TMEM263: variants seen among roughly 807,000 people sequenced by gnomAD.
TMEM263 encodes transmembrane protein 263, also known as UPF0444 transmembrane protein C12orf23.
In TMEM263, 5 loss-of-function variants were observed where a neutral mutation model predicts 8.6. The ratio of observed to expected loss-of-function variants is 0.58; its 90% CI spans 0.31 to 1.23. The LOEUF (loss-of-function observed/expected upper bound fraction) is 1.23, where lower values mean the gene tolerates loss of function less well. Among genes scored for constraint, TMEM263 ranks in the 50% most tolerant of loss-of-function variants. The probability of loss-of-function intolerance (pLI) is 0.07; values close to 1 mark genes in which losing one functional copy is unlikely to be tolerated. For missense variants in TMEM263, 104 were observed against 138.8 expected, an observed-to-expected ratio of 0.75 and a Z score of 1.26; for synonymous variants, 50 against 47.9, an observed-to-expected ratio of 1.04 and a Z score of -0.18.
rs1951937817 is a variant in TMEM263, at chr12:106,972,628, G to A, written c.*1237G>A. On this transcript the variant is annotated 3_prime_UTR_variant, in exon 4 of 4. Transcript: ENST00000280756. ...TTTCAGTCAGGGATTTGAATTGTTTGATTATGGATGATAAATGTGTCATAT... is the reference window on the plus strand; with the variant it reads ...TTTCAGTCAGGGATTTGAATTGTTTAATTATGGATGATAAATGTGTCATAT... 6.6e-6 allele frequency: 1 copy of A among 152,108 alleles called. No individual in the cohort carries two copies. The highest frequency in any genetic ancestry group is 2.1e-4 in the South Asian group (1 of 4,832). The allele number at this position is 152,108 out of a possible 1,614,324, so 9.4% of individuals were successfully genotyped here. A position where few individuals can be genotyped will look rare whatever the true frequency, so the allele number is the denominator to read the frequency against.
rs1160221977 is a variant in TMEM263, at chr12:106,972,259, G to A, written c.*868G>A. 1.3e-5 allele frequency: 2 copies of A among 152,106 alleles called. No homozygotes were observed. Among genetic ancestry groups the A allele is most frequent in the Admixed American group, 1.3e-4 (2 of 15,284 alleles). 9.4% of individuals were successfully genotyped at this position (152,106 alleles called of 1,614,324 possible). ...GTGCCTAAGGAACATTTACTTACTGGTCAGAAGGTATTTTGGAAGAGTTTC... is the reference window on the plus strand; with the variant it reads ...GTGCCTAAGGAACATTTACTTACTGATCAGAAGGTATTTTGGAAGAGTTTC... On this transcript the variant is annotated 3_prime_UTR_variant, in exon 4 of 4. Coordinates refer to ENST00000280756, the MANE Select transcript of TMEM263 (RefSeq NM_152261.4).
chr12:106,971,313 T>C lies in TMEM263; in HGVS notation c.273T>C (p.Ala91=). ...GLVKGGVSAV[A]GGVTAVGSAV... ...TGAAAGGGGGTGTCTCTGCTGTGGC[T>C]GGAGGTGTTACAGCTGTTGGGTCTG... is the stretch of plus-strand genomic sequence containing the variant. The change falls in exon 4 of 4, where the codon GCT becomes GCC. Residue 91 remains alanine (A), a synonymous_variant. Coordinates refer to ENST00000280756, the MANE Select transcript of TMEM263 (RefSeq NM_152261.4). 1 of 1,614,210 alleles carries C rather than the reference T, an allele frequency of 6.2e-7. No individual in the cohort carries two copies. The highest frequency in any genetic ancestry group is 8.5e-7 in the Non-Finnish European group (1 of 1,180,036).
At chr12:106,960,304 G>A (rs1435565880) in intron 2 of TMEM263, among the ~76,000 whole-genome samples, 4 of 151,844 alleles carry the variant, frequency 2.6e-5, no homozygotes, top group African/African-American at 9.7e-5. Flanking sequence ...CAAAGTGGTG[G>A]GATTACAGGT....
At chr12:106,971,065 G>A in intron 3 of TMEM263, 40 bp from the exon 4 acceptor site, 2 of 1,600,490 alleles carry the variant, frequency 1.2e-6, no homozygotes, top group Non-Finnish European at 1.7e-6. Flanking sequence ...AAAGACTTGT[G>A]ACTTATATTT....
At chr12:106,956,913 G>A (rs546506884) in intron 1 of TMEM263, 169 bp from the exon 2 acceptor site, 3 of 184,702 alleles carry the variant, frequency 1.6e-5, no homozygotes, top group Non-Finnish European at 3.1e-5. Context: ...AGATTTGCTA[G>A]TGCCTAAAGG....
In TMEM263 at chr12:106,957,168, GTGT is replaced by G; in HGVS notation, c.-7+20_-7+22del. 2 of 51,012 alleles carry G rather than the reference GTGT, an allele frequency of 3.9e-5. No individual in the cohort carries two copies. Among genetic ancestry groups the G allele is most frequent in the Non-Finnish European group, 4.3e-5 (2 of 46,998 alleles). 3.2% of individuals were successfully genotyped at this position (51,012 alleles called of 1,614,324 possible). Reference sequence around the variant, plus strand: ...CCAACAGGTAAACGCGCGCGCCCGTGTGTGTGTGTGTGTGTGTGTGTGTGTGTG... The same window carrying G: ...CCAACAGGTAAACGCGCGCGCCCGTGGTGTGTGTGTGTGTGTGTGTGTGTG... On this transcript the variant is annotated intron_variant, in intron 2 of 3. Coordinates refer to ENST00000280756, the MANE Select transcript of TMEM263 (RefSeq NM_152261.4).
chr12:106,972,846 C>T lies in TMEM263; in HGVS notation c.*1455C>T, dbSNP rs1951941832. 2.8e-5 allele frequency: 4 copies of T among 145,384 alleles called. No individual in the cohort carries two copies. The South Asian group carries it at 8.7e-4, about 32-fold the overall frequency. 9.0% of individuals were successfully genotyped at this position (145,384 alleles called of 1,614,324 possible). A position where few individuals can be genotyped will look rare whatever the true frequency, so the allele number is the denominator to read the frequency against. The stretch of plus-strand genomic sequence containing the variant: ...TTTTTACTTAAATCTGGAAATTTGT[C>T]TCCATTCTGCCACCTTTTTTTTTTT... On this transcript the variant is annotated 3_prime_UTR_variant, in exon 4 of 4. Transcript: ENST00000280756.
At position 106,970,187 on chromosome 12, in the gene TMEM263, A is replaced by G. The variant is rs145776713; in HGVS notation, c.65-918A>G. 1.7e-3 allele frequency among the ~76,000 whole-genome samples: 265 copies of G among 152,272 alleles called. 2 individuals carry two copies. The highest frequency in any genetic ancestry group is 6.1e-3 in the African/African-American group (252 of 41,556). On this transcript the variant is annotated intron_variant, in intron 3 of 3. Coordinates refer to ENST00000280756, the MANE Select transcript of TMEM263 (RefSeq NM_152261.4). The stretch of plus-strand genomic sequence containing the variant: ...AAGGGAGACATAGAGCAGAGACCCA[A>G]ATGTATTTACTTAATAGGGGTTCTT...
At position 106,972,702 on chromosome 12, in the gene TMEM263, GA is replaced by G. The variant is rs1951939131; in HGVS notation, c.*1313del. 1 of 151,962 alleles carries G rather than the reference GA, an allele frequency of 6.6e-6. No homozygotes were observed. The highest frequency in any genetic ancestry group is 1.5e-5 in the Non-Finnish European group (1 of 67,956). The allele number at this position is 151,962 out of a possible 1,614,324, so 9.4% of individuals were successfully genotyped here. Reference sequence around the variant, plus strand: ...GTTCCTTCTTAATATGATTTAGCTGGAATTCATTTTCTTTTCGTTTCATGTT... The same window carrying G: ...GTTCCTTCTTAATATGATTTAGCTGGATTCATTTTCTTTTCGTTTCATGTT... On this transcript the variant is annotated 3_prime_UTR_variant, in exon 4 of 4. Coordinates refer to ENST00000280756, the MANE Select transcript of TMEM263 (RefSeq NM_152261.4).
At chr12:106,969,570 C>CA (rs1951890765) in intron 3 of TMEM263, among the ~76,000 whole-genome samples, 1 of 151,802 alleles carries the variant, frequency 6.6e-6, no homozygotes, top group Non-Finnish European at 1.5e-5. Flanking sequence ...ACTAAAAATA[C>CA]AAAAAATTAG....
intron 3 of TMEM263, among the ~76,000 whole-genome samples, chr12:106,969,854 T>C (rs759881372): frequency 1.1e-4 from 16 of 151,794 alleles, no homozygotes; most frequent in Non-Finnish European, 2.1e-4. Context: ...TGAGCTTACA[T>C]GCTAATATAT....
chr12:106,971,455 T>C lies in TMEM263; in HGVS notation c.*64T>C, dbSNP rs1593472927. The C allele has an allele frequency of 1.5e-5, 22 of 1,483,384 alleles. No individual in the cohort carries two copies. In the South Asian group the frequency reaches 2.6e-4, roughly 17 times the overall value. 91.9% of individuals were successfully genotyped at this position (1,483,384 alleles called of 1,614,324 possible). ...CCAGTGGCATTGAATTGCTAAATTA[T>C]GGACTACAACCAAGTCAACTGTTTT... On this transcript the variant is annotated 3_prime_UTR_variant, in exon 4 of 4. Transcript: ENST00000280756.
chr12:106,962,179 T>C (rs962764551), intron 2 of TMEM263, among the ~76,000 whole-genome samples: 2 of 152,184 alleles, frequency 1.3e-5, no homozygotes, highest in Non-Finnish European at 2.9e-5. Flanking sequence ...TACTACTTCA[T>C]GCATGTGTAT....
chr12:106,958,121 T>G (rs1951724695), intron 2 of TMEM263, among the ~76,000 whole-genome samples: 3 of 152,208 alleles, frequency 2.0e-5, no homozygotes, highest in Admixed American at 2.0e-4. Flanking sequence ...AGTCGTCTTT[T>G]TCTATTATAG....
At chr12:106,968,375 CAA>C (rs5800722) in intron 3 of TMEM263, among the ~76,000 whole-genome samples, 15 of 128,790 alleles carry the variant, frequency 1.2e-4, no homozygotes, top group Admixed American at 1.5e-4. Context: ...GACTCCGTCT[CAA>C]AAAAAAAAAA....
intron 2 of TMEM263, among the ~76,000 whole-genome samples, chr12:106,957,874 G>T (rs1951721873): frequency 6.6e-6 from 1 of 152,202 alleles, no homozygotes; most frequent in African/African-American, 2.4e-5. Context: ...TTAATGGGCA[G>T]GGGCCATCTT....
chr12:106,957,011 T>C, intron 1 of TMEM263, 71 bp from the exon 2 acceptor site: 1 of 909,110 alleles, frequency 1.1e-6, no homozygotes, highest in Non-Finnish European at 1.3e-6. Flanking sequence ...TTTGCGTCCT[T>C]GTGAACACTG....
intron 2 of TMEM263, chr12:106,959,333 C>A (rs548301727): frequency 1.8e-4 from 28 of 152,302 alleles, no homozygotes; most frequent in African/African-American, 6.7e-4. Context: ...ACATCCGTCT[C>A]CCAGGTTCAA....
In TMEM263 at chr12:106,972,478, C is replaced by T. The variant is rs1003467348; in HGVS notation, c.*1087C>T. On this transcript the variant is annotated 3_prime_UTR_variant, in exon 4 of 4. Transcript: ENST00000280756. ...ACTATTTTAAATGGAATGGAATGAG[C>T]TCCATAGATTAGTTTTGAATATAAA... The T allele has an allele frequency of 2.6e-5, 4 of 152,106 alleles. No individual in the cohort carries two copies. The highest frequency in any genetic ancestry group is 2.1e-4 in the South Asian group (1 of 4,838). 9.4% of individuals were successfully genotyped at this position (152,106 alleles called of 1,614,324 possible).
Sources: gnomAD v4.1 joint callset for allele counts (sites outside exome capture counted in the v4.1 genomes callset) on GRCh38, gnomAD v4.1.1 for gene constraint, MANE v1.5 for transcripts, NCBI Gene and HGNC (gene_info 2026-07-23, HGNC 2026-07-21) for gene names.